Variants in ARHGAP15 observed in about 807,000 individuals in gnomAD.
ARHGAP15 encodes the protein Rho GTPase activating protein 15.
Under a neutral mutation model 63.7 loss-of-function variants are expected in ARHGAP15, and 51 were observed. The observed-to-expected ratio is 0.80, with a 90% CI of 0.64 to 1.01. ARHGAP15 has a LOEUF of 1.01. Among genes scored for constraint, ARHGAP15 ranks in the 50% least tolerant of loss-of-function variants. ARHGAP15 has a pLI of 0.00. For synonymous variants in ARHGAP15, 191 were observed against 193.8 expected (o/e 0.99, Z 0.12); for missense variants, 560 against 564.6 (o/e 0.99, Z 0.08).
Position 143,657,277 on chromosome 2 carries a change from G to A in ARHGAP15, c.1138+33010G>A, listed in dbSNP as rs190763858. On this transcript the variant is annotated intron_variant, in intron 12 of 13. Transcript: ENST00000295095. The stretch of plus-strand genomic sequence containing the variant: ...CAGGAGAATAGCGTGAACCCTGGAG[G>A]CGGAGCTTGCAGTGAGCCGAGATCG... Among the ~76,000 whole-genome samples, 778 of 152,244 alleles carry A rather than the reference G, an allele frequency of 5.1e-3. 7 individuals are homozygous for A. The highest frequency in any genetic ancestry group is 0.018 in the African/African-American group (731 of 41,536).
chr2:143,166,632 A>G lies in ARHGAP15; in HGVS notation c.165+10977A>G, dbSNP rs552320455. Among the ~76,000 whole-genome samples the G allele has an allele frequency of 7.2e-5, 11 of 152,208 alleles. No individual in the cohort carries two copies. In the South Asian group the frequency reaches 1.9e-3, roughly 26 times the overall value. ...CTAGTATTAGTGTCAAGTACGTTGC[A>G]TTTTACCACAAATACTTTACACTAT... On this transcript the variant is annotated intron_variant, in intron 2 of 13. Coordinates refer to ENST00000295095, the MANE Select transcript of ARHGAP15 (RefSeq NM_018460.4).
chr2:143,457,682 A>G (rs1574476019), intron 8 of ARHGAP15, among the ~76,000 whole-genome samples: 1 of 151,548 alleles, frequency 6.6e-6, no homozygotes, highest in South Asian at 2.1e-4. Flanking sequence ...TACTAAATCC[A>G]CAAAATTATA....
intron 12 of ARHGAP15, among the ~76,000 whole-genome samples, chr2:143,673,750 G>GTATATATATA (rs1239149068): frequency 2.4e-3 from 83 of 34,620 alleles, no homozygotes; most frequent in Non-Finnish European, 4.7e-3. Flanking sequence ...GTGTGTGTGT[G>GTATATATATA]TGTGTGTGTA....
chr2:143,173,632 A>G (rs1295155085), intron 2 of ARHGAP15, among the ~76,000 whole-genome samples: 1 of 152,098 alleles, frequency 6.6e-6, no homozygotes, highest in African/African-American at 2.4e-5. Context: ...AAAAACCTCT[A>G]ATTTTATCTG....
chr2:143,299,731 T>C (rs1313819667), intron 6 of ARHGAP15, among the ~76,000 whole-genome samples: 1 of 151,948 alleles, frequency 6.6e-6, no homozygotes, highest in South Asian at 2.1e-4. Flanking sequence ...ATCTAAAGAG[T>C]TCTTCTGTAG....
At chr2:143,688,492 C>T (rs1559127122) in intron 12 of ARHGAP15, among the ~76,000 whole-genome samples, 1 of 152,092 alleles carries the variant, frequency 6.6e-6, no homozygotes, top group Admixed American at 6.6e-5. Flanking sequence ...TAAGTGGAAG[C>T]CAGAGAGAAG....
chr2:143,432,438 G>T (rs565440328), intron 6 of ARHGAP15, among the ~76,000 whole-genome samples: 117 of 152,090 alleles, frequency 7.7e-4, no homozygotes, highest in African/African-American at 2.7e-3. Context: ...GCATAGTAAA[G>T]CTCCATTTAA....
intron 12 of ARHGAP15, among the ~76,000 whole-genome samples, chr2:143,677,936 G>A (rs1412875148): frequency 6.6e-6 from 1 of 152,166 alleles, no homozygotes; most frequent in South Asian, 2.1e-4. Context: ...GGTCAGGTGC[G>A]GTAGCTCATG....
intron 2 of ARHGAP15, among the ~76,000 whole-genome samples, chr2:143,178,767 T>C (rs1031069735): frequency 2.0e-5 from 3 of 152,346 alleles, no homozygotes; most frequent in African/African-American, 4.8e-5. Flanking sequence ...CCCATTTTTC[T>C]GATCTTGTGT....
chr2:143,352,967 A>C (rs1338164226), intron 6 of ARHGAP15, among the ~76,000 whole-genome samples: 1 of 152,192 alleles, frequency 6.6e-6, no homozygotes, highest in Non-Finnish European at 1.5e-5. Flanking sequence ...ATTTTACTTT[A>C]ATAAGTACAT....
intron 6 of ARHGAP15, among the ~76,000 whole-genome samples, chr2:143,252,103 C>G (rs773189097): frequency 6.6e-6 from 1 of 152,028 alleles, no homozygotes; most frequent in South Asian, 2.1e-4. Flanking sequence ...AGACATTATT[C>G]TTGGACAATA....
At chr2:143,315,294 GT>G (rs1416308197) in intron 6 of ARHGAP15, among the ~76,000 whole-genome samples, 1 of 151,982 alleles carries the variant, frequency 6.6e-6, no homozygotes, top group Non-Finnish European at 1.5e-5. Flanking sequence ...TATATTTAGG[GT>G]TTTATTTATA....
At chr2:143,159,945 G>T (rs1013753764) in intron 2 of ARHGAP15, among the ~76,000 whole-genome samples, 4 of 151,842 alleles carry the variant, frequency 2.6e-5, no homozygotes, top group Admixed American at 1.3e-4. Flanking sequence ...TGTAAGATGT[G>T]TCTGTATTTT....
intron 6 of ARHGAP15, among the ~76,000 whole-genome samples, chr2:143,431,360 C>A (rs937196982): frequency 3.9e-5 from 6 of 152,024 alleles, no homozygotes; most frequent in Non-Finnish European, 8.8e-5. Context: ...TCATTTGCTT[C>A]ATTTTCTTCA....
chr2:143,197,583 C>T (rs146390485), intron 2 of ARHGAP15, among the ~76,000 whole-genome samples: 2 of 152,000 alleles, frequency 1.3e-5, no homozygotes, highest in East Asian at 3.9e-4. Context: ...AACAATTAAG[C>T]CATTTTGGAT....
rs553594135 is a variant in ARHGAP15 at position 143,210,121 on chromosome 2, GCAAAGAACGAGGAACATATTTACAT to G, written c.235-6256_235-6232del. Among the ~76,000 whole-genome samples the G allele has an allele frequency of 2.7e-3, 404 of 152,244 alleles. 1 individual carries two copies. The highest frequency in any genetic ancestry group is 4.2e-3 in the Non-Finnish European group (289 of 68,016). On this transcript the variant is annotated intron_variant, in intron 3 of 13. Transcript: ENST00000295095. Reference sequence around the variant, plus strand: ...CATTCTCATTGAAGTCCAGTGACAGGCAAAGAACGAGGAACATATTTACATCAAAGACACAAATAAATAGAATTCA... The same window carrying G: ...CATTCTCATTGAAGTCCAGTGACAGGCAAAGACACAAATAAATAGAATTCA...
At chr2:143,256,514 G>T (rs541028775) in intron 6 of ARHGAP15, among the ~76,000 whole-genome samples, 1 of 152,082 alleles carries the variant, frequency 6.6e-6, no homozygotes, top group African/African-American at 2.4e-5. Flanking sequence ...ATACTTAAAA[G>T]CATATCACCT....
At chr2:143,753,060 G>T (rs1186085715) in intron 13 of ARHGAP15, among the ~76,000 whole-genome samples, 2 of 152,158 alleles carry the variant, frequency 1.3e-5, no homozygotes, top group African/African-American at 4.8e-5. Context: ...CGGGAAGATC[G>T]CTTGACCCAA....
At chr2:143,695,660 G>C (rs1024511204) in intron 12 of ARHGAP15, among the ~76,000 whole-genome samples, 1 of 152,080 alleles carries the variant, frequency 6.6e-6, no homozygotes, top group Admixed American at 6.5e-5. Context: ...TTGAGCCCAG[G>C]GGTTCAAGAT....
Sources: allele counts gnomAD v4.1 joint callset (sites outside exome capture counted in the v4.1 genomes callset), GRCh38; gene constraint gnomAD v4.1.1; transcripts MANE v1.5; gene names NCBI Gene and HGNC (gene_info 2026-07-23, HGNC 2026-07-21).